KIRREL1: variants seen among roughly 807,000 people sequenced by gnomAD.
The protein encoded by KIRREL1 is kirre like nephrin family adhesion molecule 1, also known as kin of IRRE-like protein 1.
A neutral mutation model predicts 83.3 loss-of-function variants in KIRREL1; 25 were observed. The observed-to-expected ratio is 0.30, with a 90% CI of 0.22 to 0.42. KIRREL1 has a LOEUF of 0.42. Among genes scored for constraint, KIRREL1 ranks in the 10% least tolerant of loss-of-function variants. KIRREL1 has a pLI of 1.00. For synonymous variants in KIRREL1, 388 were observed against 410.4 expected (o/e 0.95, Z 0.66); for missense variants, 812 against 1,032.3 (o/e 0.79, Z 2.92).
chr1:158,036,851 G>A (rs1044778810), intron 1 of KIRREL1, among the ~76,000 whole-genome samples: 1 of 152,206 alleles, frequency 6.6e-6, no homozygotes. Flanking sequence ...GAAAGACTGG[G>A]AGAGCAGATG....
At chr1:158,036,664 C>T (rs1034926603) in intron 1 of KIRREL1, among the ~76,000 whole-genome samples, 2 of 152,094 alleles carry the variant, frequency 1.3e-5, no homozygotes, top group Admixed American at 6.5e-5. Flanking sequence ...ATCCATGGAC[C>T]GCGATGCTTG....
chr1:158,094,808 C>G lies in KIRREL1; in HGVS notation c.1962C>G (p.Ser654Arg), dbSNP rs767938230. 1.3e-5 allele frequency: 21 copies of G among 1,613,990 alleles called. No individual in the cohort carries two copies. Among genetic ancestry groups the G allele is most frequent in the Non-Finnish European group, 1.8e-5 (21 of 1,180,014 alleles). ...SSGYAQLNTYSRGPASDYGPE... is the reference protein window; with the variant it reads ...SSGYAQLNTYRRGPASDYGPE... ...GCTATGCCCAGCTCAACACCTATAG[C>G]CGGGGCCCTGCCTCTGACTATGGCC... The change falls in exon 15 of 15, where the codon AGC becomes AGG. Residue 654 changes from serine to arginine, a missense_variant. Transcript: ENST00000359209. This position sits in a 1 kb window ranked among gnomAD's most constrained non-coding sequence, Gnocchi z 4.6.
At chr1:158,044,632 A>G (rs1299569981) in intron 1 of KIRREL1, among the ~76,000 whole-genome samples, 1 of 152,084 alleles carries the variant, frequency 6.6e-6, no homozygotes, top group Non-Finnish European at 1.5e-5. Flanking sequence ...CTGAGTAAAT[A>G]GGATTACAGG....
intron 2 of KIRREL1, 59 bp from the exon 3 acceptor site, chr1:158,077,932 G>A: frequency 6.3e-7 from 1 of 1,591,854 alleles, no homozygotes; most frequent in Non-Finnish European, 8.6e-7. Flanking sequence ...TACTGGTGTG[G>A]GATGGCTGAG....
At chr1:158,034,860 A>G (rs1389189820) in intron 1 of KIRREL1, among the ~76,000 whole-genome samples, 1 of 152,178 alleles carries the variant, frequency 6.6e-6, no homozygotes, top group Non-Finnish European at 1.5e-5. Flanking sequence ...GAAAAATCAC[A>G]CGTTTATTTC....
At chr1:158,000,785 CAA>C (rs1435787292) in intron 1 of KIRREL1, among the ~76,000 whole-genome samples, 2 of 152,150 alleles carry the variant, frequency 1.3e-5, no homozygotes, top group East Asian at 3.9e-4. Context: ...GCCCATTTAA[CAA>C]AATAGGCATC....
chr1:158,034,443 G>A (rs1481670754), intron 1 of KIRREL1, among the ~76,000 whole-genome samples: 1 of 152,022 alleles, frequency 6.6e-6, no homozygotes, highest in East Asian at 1.9e-4. Flanking sequence ...ATAGGATTCT[G>A]AGCATGACCA....
At position 158,076,116 on chromosome 1, in the gene KIRREL1, C is replaced by G. The variant is rs780525861; in HGVS notation, c.56C>G (p.Thr19Ser). Residue 19 changes from threonine to serine, a missense_variant, in exon 2 of 15, where the codon ACC becomes AGC. Transcript: ENST00000359209. ...AGTGCTGGCTTTGGCTTTGCAGGGA[C>G]CCAGACCCGCTTCAGCCAGGAGCCA... Reference protein sequence around the residue: ...LTLSDTFSQGTQTRFSQEPAD... With the variant: ...LTLSDTFSQGSQTRFSQEPAD... 7 of 1,613,706 alleles carry G rather than the reference C, an allele frequency of 4.3e-6. No homozygotes were observed. The highest frequency in any genetic ancestry group is 5.9e-6 in the Non-Finnish European group (7 of 1,179,850).
intron 1 of KIRREL1, among the ~76,000 whole-genome samples, chr1:157,995,251 A>G (rs539916964): frequency 1.4e-4 from 21 of 151,934 alleles, no homozygotes; most frequent in Admixed American, 2.6e-4. Context: ...GTCTTGATTC[A>G]TTTCTCCCCA....
Position 158,093,322 on chromosome 1 carries a change from T to C in KIRREL1, c.1472-17T>C. 1 of 1,607,504 alleles carries C rather than the reference T, an allele frequency of 6.2e-7. No individual in the cohort carries two copies. The highest frequency in any genetic ancestry group is 8.5e-7 in the Non-Finnish European group (1 of 1,173,924). ...AACTCCAGCCTCACCCCTCCACCTT[T>C]CCTTCCCCATCGAAAGAGGTGTTAC... On this transcript the variant is annotated splice_polypyrimidine_tract_variant and intron_variant, in intron 11 of 14. Transcript: ENST00000359209.
At chr1:158,012,185 C>T (rs1340662122) in intron 1 of KIRREL1, among the ~76,000 whole-genome samples, 4 of 152,146 alleles carry the variant, frequency 2.6e-5, no homozygotes, top group Non-Finnish European at 2.9e-5. Flanking sequence ...AATCTCAACT[C>T]GTCTTATTGG....
At chr1:158,053,303 T>A (rs1660957869) in intron 1 of KIRREL1, among the ~76,000 whole-genome samples, 1 of 152,218 alleles carries the variant, frequency 6.6e-6, no homozygotes, top group African/African-American at 2.4e-5. Flanking sequence ...AGTGGGTAAA[T>A]GAATGAATGA....
intron 1 of KIRREL1, among the ~76,000 whole-genome samples, chr1:158,063,035 T>C (rs879725480): frequency 1.3e-5 from 2 of 152,246 alleles, no homozygotes; most frequent in South Asian, 4.1e-4. Flanking sequence ...TGGACTTTTA[T>C]GTTTCTGTGT....
At chr1:157,995,840 A>G (rs1043070501) in intron 1 of KIRREL1, among the ~76,000 whole-genome samples, 3 of 149,386 alleles carry the variant, frequency 2.0e-5, no homozygotes, top group Admixed American at 2.0e-4. Flanking sequence ...GAGACTAGAC[A>G]GGAGGGGAGG....
At chr1:158,088,296 C>T in intron 7 of KIRREL1, 31 bp from the exon 8 acceptor site, 1 of 1,602,428 alleles carries the variant, frequency 6.2e-7, no homozygotes, top group Non-Finnish European at 8.5e-7. Flanking sequence ...GAGCTTGAGA[C>T]CCTAACGAGT....
chr1:158,076,209 T>C lies in KIRREL1; in HGVS notation c.149T>C (p.Ile50Thr). 1.2e-6 allele frequency: 2 copies of C among 1,614,188 alleles called. No individual in the cohort carries two copies. Among genetic ancestry groups the C allele is most frequent in the South Asian group, 1.1e-5 (1 of 91,086 alleles). The change falls in exon 2 of 15, where the codon ATT (isoleucine) becomes ACT (threonine). Residue 50 changes from isoleucine (I) to threonine (T), a missense_variant. By Grantham distance (89) the Ile-to-Thr change is moderately conservative. Transcript: ENST00000359209. ...LPCVLLNYSGIVQWTKDGLAL... is the reference protein window; with the variant it reads ...LPCVLLNYSGTVQWTKDGLAL... ...TGTGTGCTGCTCAACTACTCTGGAATTGTGCAATGGACCAAGGACGGGCTG... is the reference window on the plus strand; with the variant it reads ...TGTGTGCTGCTCAACTACTCTGGAACTGTGCAATGGACCAAGGACGGGCTG...
intron 1 of KIRREL1, among the ~76,000 whole-genome samples, chr1:158,003,285 A>G (rs1659418924): frequency 6.6e-6 from 1 of 152,116 alleles, no homozygotes; most frequent in African/African-American, 2.4e-5. Flanking sequence ...GTAGAGAGAG[A>G]AGGCATTTCA....
intron 1 of KIRREL1, among the ~76,000 whole-genome samples, chr1:158,026,317 C>T (rs909792565): frequency 9.9e-5 from 15 of 152,232 alleles, no homozygotes; most frequent in South Asian, 2.1e-4. Flanking sequence ...TCCTGTCCTG[C>T]CAGGTAATGT....
chr1:158,023,416 G>T (rs920436390), intron 1 of KIRREL1, among the ~76,000 whole-genome samples: 11 of 152,212 alleles, frequency 7.2e-5, no homozygotes, highest in Non-Finnish European at 1.3e-4. Context: ...ATGGTTACTT[G>T]CCTTCCAGTT....
Sources: gnomAD v4.1 joint callset for allele counts (sites outside exome capture counted in the v4.1 genomes callset) on GRCh38, gnomAD v4.1.1 for gene constraint, Gnocchi (gnomAD v3.1) non-coding constraint, MANE v1.5 for transcripts, NCBI Gene and HGNC (gene_info 2026-07-23, HGNC 2026-07-21) for gene names.